NHSL2: variants seen among roughly 807,000 people sequenced by gnomAD.
NHSL2 encodes the protein NHS-like protein 2.
NHSL2 carries 27 observed loss-of-function variants against 53.4 expected under a neutral mutation model. That is an observed-to-expected ratio of 0.51 (90% CI 0.37 to 0.70). NHSL2 has a LOEUF of 0.70. NHSL2 is among the 30% of genes least tolerant of loss of function. The probability of loss-of-function intolerance (pLI) is 0.00; values close to 1 mark genes in which losing one functional copy is unlikely to be tolerated. For missense variants in NHSL2, 892 were observed against 980.1 expected, an observed-to-expected ratio of 0.91 and a Z score of 1.20; for synonymous variants, 408 against 404.1, an observed-to-expected ratio of 1.01 and a Z score of -0.12.
intron 1 of NHSL2, among the ~76,000 whole-genome samples, chrX:72,117,603 C>T (rs764346945): frequency 7.3e-5 from 8 of 109,847 alleles, no homozygotes; most frequent in Middle Eastern, 4.7e-3. Flanking sequence ...CCCTCAATCG[C>T]CTCCCCAGCC....
At chrX:72,004,865 T>A (rs1433013849) in intron 1 of NHSL2, among the ~76,000 whole-genome samples, 1 of 108,289 alleles carries the variant, frequency 9.2e-6, no homozygotes, top group Admixed American at 9.9e-5. Flanking sequence ...TATCCAAGTG[T>A]TGGTTGAATG....
At position 72,142,247 on chromosome X, in the gene NHSL2, C is replaced by A; in HGVS notation, c.3239C>A (p.Pro1080Gln). ...EASPLGSSVEPGTEEKSLISD... is the reference protein window; with the variant it reads ...EASPLGSSVEQGTEEKSLISD... Reference sequence around the variant, plus strand: ...TTATGTCTAGGGAGTTCTGTGGAACCAGGCACCGAAGAAAAAAGTTTAATC... The same window carrying A: ...TTATGTCTAGGGAGTTCTGTGGAACAAGGCACCGAAGAAAAAAGTTTAATC... The change falls in exon 7 of 8, where the codon CCA becomes CAA. Residue 1080 changes from proline (P) to glutamine (Q), a missense_variant. Pro to Gln is a moderately conservative substitution (Grantham distance 76, BLOSUM62 -1). Transcript: ENST00000633930. The A allele has an allele frequency of 8.6e-7, 1 of 1,162,797 alleles. No homozygotes were observed. Among genetic ancestry groups the A allele is most frequent in the Non-Finnish European group, 1.2e-6 (1 of 869,457 alleles).
chrX:72,083,499 A>T (rs1410907843), intron 1 of NHSL2, among the ~76,000 whole-genome samples: 1 of 112,438 alleles, frequency 8.9e-6, no homozygotes, highest in Non-Finnish European at 1.9e-5. Context: ...CTTCTTTTGT[A>T]ACAAAGCTAG....
intron 1 of NHSL2, among the ~76,000 whole-genome samples, chrX:72,066,298 C>T (rs988652409): frequency 2.6e-4 from 29 of 111,729 alleles, no homozygotes; most frequent in Non-Finnish European, 5.6e-5. Context: ...AAGCATTCCT[C>T]ATCCAATTTA....
At chrX:72,123,550 T>C (rs1222453067) in intron 1 of NHSL2, among the ~76,000 whole-genome samples, 2 of 110,587 alleles carry the variant, frequency 1.8e-5, no homozygotes, top group African/African-American at 6.6e-5. Context: ...GGAGAGGTCA[T>C]CAATTTGGGG....
chrX:72,130,851 G>A (rs1166061831), intron 1 of NHSL2: 1 of 1,211,816 alleles, frequency 8.3e-7, no homozygotes, highest in Non-Finnish European at 1.1e-6. Flanking sequence ...GGGGGATGGG[G>A]CCACAGAATT....
intron 1 of NHSL2, among the ~76,000 whole-genome samples, chrX:72,028,691 A>G (rs2042198914): frequency 8.9e-6 from 1 of 112,022 alleles, no homozygotes; most frequent in African/African-American, 3.3e-5. Flanking sequence ...TCATTTGACA[A>G]CACTCTCTCT....
intron 1 of NHSL2, among the ~76,000 whole-genome samples, chrX:72,043,514 G>T (rs1602327191): frequency 9.0e-6 from 1 of 111,147 alleles, no homozygotes. Context: ...TTAGGAAATT[G>T]CCTGAAGCCA....
rs1569467134 is a variant in NHSL2 at position 71,964,031 on chromosome X, A to ATATATATATG, written c.280+52673_280+52674insGTATATATAT. On this transcript the variant is annotated intron_variant, in intron 1 of 7. Transcript: ENST00000633930. ...TATATGTATATATATATATGTGTAT[A>ATATATATATG]TATATATATATGTATATATATATAT... Among the ~76,000 whole-genome samples, 5 of 40,252 alleles carry ATATATATATG rather than the reference A, an allele frequency of 1.2e-4. 1 individual carries two copies. The highest frequency in any genetic ancestry group is 7.7e-4 in the African/African-American group (5 of 6,513). The allele number at this position is 40,252 out of a possible 115,157, so 35.0% of individuals were successfully genotyped here. A position where few individuals can be genotyped will look rare whatever the true frequency, so the allele number is the denominator to read the frequency against.
At chrX:72,122,403 G>T (rs529985599) in intron 1 of NHSL2, among the ~76,000 whole-genome samples, 9 of 112,836 alleles carry the variant, frequency 8.0e-5, no homozygotes, top group Middle Eastern at 9.1e-3. Context: ...TTATAGGGTT[G>T]TGATGATTCA....
rs766144046 is a variant in NHSL2, at chrX:72,049,015, G to GAAGAAGAAGAAGAA, written c.281-83064_281-83063insAAGAAGAAGAAGAA. ...AAGAAGAAGAAGAAGAAGAAGAAGA[G>GAAGAAGAAGAAGAA]GAAGAGGAAGAGGAAGAGGAAGAGG... On this transcript the variant is annotated intron_variant, in intron 1 of 7. Transcript: ENST00000633930. 5.2e-3 allele frequency among the ~76,000 whole-genome samples: 433 copies of GAAGAAGAAGAAGAA among 82,752 alleles called. 11 individuals are homozygous for GAAGAAGAAGAAGAA. Among genetic ancestry groups the GAAGAAGAAGAAGAA allele is most frequent in the African/African-American group, 0.025 (338 of 13,361 alleles). The allele number at this position is 82,752 out of a possible 115,157, so 71.9% of individuals were successfully genotyped here. A position where few individuals can be genotyped will look rare whatever the true frequency, so the allele number is the denominator to read the frequency against.
chrX:71,938,931 T>G (rs1444740428), intron 1 of NHSL2, among the ~76,000 whole-genome samples: 1 of 112,665 alleles, frequency 8.9e-6, no homozygotes, highest in Admixed American at 9.3e-5. Flanking sequence ...GGTGCGGAGA[T>G]GAGCAAAACA....
At chrX:72,123,990 G>A (rs1231101917) in intron 1 of NHSL2, among the ~76,000 whole-genome samples, 1 of 111,624 alleles carries the variant, frequency 9.0e-6, no homozygotes, top group African/African-American at 3.3e-5. Flanking sequence ...TTTCTTCCAA[G>A]TAGGTCCCGC....
rs1556312387 is a variant in NHSL2 at position 71,964,033 on chromosome X, A to ATATG, written c.280+52669_280+52670insGTAT. ...TATGTATATATATATATGTGTATAT[A>ATATG]TATATATATGTATATATATATATGT... is the stretch of plus-strand genomic sequence containing the variant. On this transcript the variant is annotated intron_variant, in intron 1 of 7. Coordinates refer to ENST00000633930, the MANE Select transcript of NHSL2 (RefSeq NM_001013627.3). 2.0e-3 allele frequency among the ~76,000 whole-genome samples: 98 copies of ATATG among 49,780 alleles called. 1 individual carries two copies. Among genetic ancestry groups the ATATG allele is most frequent in the African/African-American group, 5.5e-3 (64 of 11,648 alleles). The allele number at this position is 49,780 out of a possible 115,157, so 43.2% of individuals were successfully genotyped here. A position where few individuals can be genotyped will look rare whatever the true frequency, so the allele number is the denominator to read the frequency against.
intron 1 of NHSL2, among the ~76,000 whole-genome samples, chrX:72,073,937 C>T (rs772164616): frequency 8.9e-6 from 1 of 112,483 alleles, no homozygotes; most frequent in Admixed American, 9.3e-5. Flanking sequence ...CACCACATAT[C>T]GTTTGATGGC....
intron 1 of NHSL2, among the ~76,000 whole-genome samples, chrX:72,088,284 C>G (rs1401176475): frequency 2.7e-5 from 3 of 111,922 alleles, no homozygotes; most frequent in African/African-American, 9.8e-5. Flanking sequence ...ATAACGGTAA[C>G]CTTTGTGGCT....
At chrX:71,931,545 G>A (rs2041713295) in intron 1 of NHSL2, among the ~76,000 whole-genome samples, 1 of 112,420 alleles carries the variant, frequency 8.9e-6, no homozygotes, top group Admixed American at 9.4e-5. Context: ...TGTATACGGT[G>A]TGAAGTAGTG....
At chrX:72,026,590 G>A (rs951287451) in intron 1 of NHSL2, among the ~76,000 whole-genome samples, 2 of 112,798 alleles carry the variant, frequency 1.8e-5, no homozygotes, top group African/African-American at 3.2e-5. Flanking sequence ...GCCCTGCCAG[G>A]CCAATGGCCT....
At chrX:72,109,556 G>A (rs1032257732) in intron 1 of NHSL2, among the ~76,000 whole-genome samples, 2 of 111,853 alleles carry the variant, frequency 1.8e-5, no homozygotes, top group Non-Finnish European at 3.8e-5. Flanking sequence ...TGCAACCTCC[G>A]CCTCCCAGGT....
Sources: allele counts gnomAD v4.1 joint callset (sites outside exome capture counted in the v4.1 genomes callset), GRCh38; gene constraint gnomAD v4.1.1; transcripts MANE v1.5; gene names NCBI Gene and HGNC (gene_info 2026-07-23, HGNC 2026-07-21).